GNAQ: variants seen among roughly 807,000 people sequenced by gnomAD.
GNAQ encodes the protein G protein subunit alpha q, also known as guanine nucleotide-binding protein G(q) subunit alpha.
In GNAQ, 8 loss-of-function variants were observed where a neutral mutation model predicts 43.9. The observed-to-expected ratio is 0.18, with a 90% CI of 0.11 to 0.33. The LOEUF is 0.33. Among genes scored for constraint, GNAQ ranks in the 10% least tolerant of loss-of-function variants. GNAQ has a pLI of 1.00. For synonymous variants in GNAQ, 155 were observed against 170.7 expected, an observed-to-expected ratio of 0.91 and a Z score of 0.71; for missense variants, 158 against 450.8, an observed-to-expected ratio of 0.35 and a Z score of 5.88.
chr9:77,903,953 A>G (rs1045107117), intron 2 of GNAQ, among the ~76,000 whole-genome samples: 2 of 152,056 alleles, frequency 1.3e-5, no homozygotes, highest in Non-Finnish European at 2.9e-5. Flanking sequence ...ACACAAAAAA[A>G]TCTTGTGAAA....
intron 2 of GNAQ, among the ~76,000 whole-genome samples, chr9:77,865,989 C>T (rs1223389485): frequency 6.6e-6 from 1 of 152,170 alleles, no homozygotes; most frequent in African/African-American, 2.4e-5. Context: ...GAAGAACTTA[C>T]TGTTAAGAAG....
chr9:77,777,271 A>C (rs1826318063), intron 5 of GNAQ, among the ~76,000 whole-genome samples: 1 of 152,142 alleles, frequency 6.6e-6, no homozygotes, highest in South Asian at 2.1e-4. Context: ...ACATTATGAT[A>C]GTGCAAATGC....
intron 5 of GNAQ, among the ~76,000 whole-genome samples, chr9:77,761,077 G>A (rs113376301): frequency 6.6e-6 from 1 of 152,206 alleles, no homozygotes; most frequent in Admixed American, 6.5e-5. Context: ...GAAGTGAGGA[G>A]CGTCTCTGCC....
chr9:77,793,920 A>G (rs1309010359), intron 5 of GNAQ, among the ~76,000 whole-genome samples: 6 of 152,154 alleles, frequency 3.9e-5, no homozygotes, highest in Non-Finnish European at 8.8e-5. Context: ...TGCTTAATAG[A>G]GACAAAATTA....
At chr9:77,758,434 C>T (rs1224504240) in intron 5 of GNAQ, among the ~76,000 whole-genome samples, 1 of 152,084 alleles carries the variant, frequency 6.6e-6, no homozygotes, top group East Asian at 1.9e-4. Flanking sequence ...ATTTAAATGG[C>T]ACAAATGATA....
At chr9:77,828,059 C>CAAGAAAA (rs1827231788) in intron 2 of GNAQ, among the ~76,000 whole-genome samples, 1 of 19,224 alleles carries the variant, frequency 5.2e-5, no homozygotes, top group Non-Finnish European at 9.6e-5. Context: ...GACTCCTCCT[C>CAAGAAAA]AAAAAAAAAA....
chr9:77,918,311 C>A (rs1390116581), intron 2 of GNAQ, among the ~76,000 whole-genome samples: 1 of 152,124 alleles, frequency 6.6e-6, no homozygotes, highest in Admixed American at 6.5e-5. Context: ...ATGGTGGGTG[C>A]AGAGAAGCTT....
chr9:77,859,742 T>C (rs1407010731), intron 2 of GNAQ, among the ~76,000 whole-genome samples: 2 of 152,204 alleles, frequency 1.3e-5, no homozygotes, highest in Admixed American at 1.3e-4. Flanking sequence ...GATTTTAACA[T>C]GGTATTTTAA....
intron 1 of GNAQ, among the ~76,000 whole-genome samples, chr9:77,983,102 T>C (rs1823389010): frequency 6.6e-6 from 1 of 152,218 alleles, no homozygotes; most frequent in Non-Finnish European, 1.5e-5. Context: ...CCCAGAATTC[T>C]GCTGTACTGG....
chr9:77,958,553 C>T (rs1026491779), intron 1 of GNAQ, among the ~76,000 whole-genome samples: 1 of 152,168 alleles, frequency 6.6e-6, no homozygotes. Context: ...AATTGTTATA[C>T]ATAAAACTGA....
chr9:77,845,512 C>A (rs1827570789), intron 2 of GNAQ, among the ~76,000 whole-genome samples: 1 of 152,160 alleles, frequency 6.6e-6, no homozygotes. Flanking sequence ...AAAGTAATTT[C>A]TTCTGAGCAG....
intron 1 of GNAQ, among the ~76,000 whole-genome samples, chr9:77,957,582 TC>T (rs1190147026): frequency 1.3e-5 from 2 of 152,138 alleles, no homozygotes; most frequent in African/African-American, 4.8e-5. Context: ...GCTTGTTTTT[TC>T]CAACTAGGTC....
chr9:77,886,386 T>TA (rs11371901), intron 2 of GNAQ, among the ~76,000 whole-genome samples: 76,825 of 140,202 alleles, frequency 0.55, 20,902 homozygotes, highest in South Asian at 0.61. Flanking sequence ...GCTATGCTCT[T>TA]AAAAAAAAAA....
chr9:77,777,615 T>A (rs1195463299), intron 5 of GNAQ, among the ~76,000 whole-genome samples: 2 of 151,998 alleles, frequency 1.3e-5, no homozygotes, highest in Non-Finnish European at 2.9e-5. Flanking sequence ...CTCCTTTATA[T>A]AAAGGACTCT....
intron 1 of GNAQ, among the ~76,000 whole-genome samples, chr9:77,979,466 A>G (rs1487555835): frequency 6.6e-6 from 1 of 152,040 alleles, no homozygotes; most frequent in Non-Finnish European, 1.5e-5. Context: ...CTTTTTTTCA[A>G]TCAAAACTAC....
At chr9:77,744,057 C>A (rs181545268) in intron 5 of GNAQ, among the ~76,000 whole-genome samples, 25 of 152,306 alleles carry the variant, frequency 1.6e-4, no homozygotes, top group African/African-American at 5.3e-4. Context: ...TTTGAATGCA[C>A]CCCATGGTGA....
At chr9:77,856,485 C>G (rs1827756720) in intron 2 of GNAQ, among the ~76,000 whole-genome samples, 3 of 152,114 alleles carry the variant, frequency 2.0e-5, no homozygotes, top group Admixed American at 2.0e-4. Context: ...GGACTTTCTT[C>G]TAGAGTAAGT....
At chr9:77,915,336 T>C (rs1828881710) in intron 2 of GNAQ, among the ~76,000 whole-genome samples, 1 of 151,098 alleles carries the variant, frequency 6.6e-6, no homozygotes, top group Non-Finnish European at 1.5e-5. Context: ...TGTTTTATTC[T>C]TTATTTCTGT....
intron 5 of GNAQ, among the ~76,000 whole-genome samples, chr9:77,734,345 A>C (rs1825539718): frequency 6.6e-6 from 1 of 152,238 alleles, no homozygotes; most frequent in African/African-American, 2.4e-5. Context: ...CAAGTTATCC[A>C]CCTGTCTCTC....
Sources: gnomAD v4.1 joint callset for allele counts (sites outside exome capture counted in the v4.1 genomes callset) on GRCh38, gnomAD v4.1.1 for gene constraint, MANE v1.5 for transcripts, NCBI Gene and HGNC (gene_info 2026-07-23, HGNC 2026-07-21) for gene names.